CNTN4: variants seen among roughly 807,000 people sequenced by gnomAD.
The protein encoded by CNTN4 is contactin-4.
Under a neutral mutation model 122.5 loss-of-function variants are expected in CNTN4, and 77 were observed. The observed-to-expected ratio is 0.63, with a 90% CI of 0.52 to 0.76. The LOEUF (loss-of-function observed/expected upper bound fraction) is 0.76. Among genes scored for constraint, CNTN4 ranks in the 30% least tolerant of loss-of-function variants. The probability of loss-of-function intolerance (pLI) is 0.00; values close to 1 mark genes in which losing one functional copy is unlikely to be tolerated. For missense variants in CNTN4, 1,256 were observed against 1,259.1 expected (o/e 1.00, Z 0.04); for synonymous variants, 512 against 447.0 (o/e 1.15, Z -1.83).
intron 4 of CNTN4, among the ~76,000 whole-genome samples, chr3:2,695,487 T>C (rs781511026): frequency 4.6e-5 from 7 of 152,224 alleles, no homozygotes; most frequent in Non-Finnish European, 8.8e-5. Context: ...GGTTTCCAAA[T>C]TGCTGTTTGT....
chr3:2,535,307 C>G (rs777065409), intron 3 of CNTN4, among the ~76,000 whole-genome samples: 7 of 152,152 alleles, frequency 4.6e-5, no homozygotes, highest in Non-Finnish European at 7.3e-5. Context: ...CTTTCTGATG[C>G]AAGAGTTCTG....
intron 2 of CNTN4, among the ~76,000 whole-genome samples, chr3:2,172,014 A>G (rs1276064094): frequency 6.6e-6 from 1 of 152,180 alleles, no homozygotes; most frequent in African/African-American, 2.4e-5. Context: ...CAAGCACTCC[A>G]GGTGATTCTG....
At chr3:2,513,603 C>CA (rs2076954227) in intron 3 of CNTN4, among the ~76,000 whole-genome samples, 1 of 151,892 alleles carries the variant, frequency 6.6e-6, no homozygotes, top group Non-Finnish European at 1.5e-5. Flanking sequence ...TTTTATTTTC[C>CA]ATTCAAATAT....
At chr3:2,312,604 C>T (rs937346875) in intron 2 of CNTN4, among the ~76,000 whole-genome samples, 18 of 151,936 alleles carry the variant, frequency 1.2e-4, no homozygotes, top group Non-Finnish European at 2.1e-4. Context: ...TCCATTGTGA[C>T]ACAGATGGTT....
chr3:2,264,915 A>C (rs564838773), intron 2 of CNTN4, among the ~76,000 whole-genome samples: 20 of 152,164 alleles, frequency 1.3e-4, no homozygotes, highest in African/African-American at 4.8e-4. Flanking sequence ...TTGTTACATG[A>C]ATAAGTTCTT....
At chr3:2,290,716 T>C (rs1342353001) in intron 2 of CNTN4, among the ~76,000 whole-genome samples, 1 of 152,170 alleles carries the variant, frequency 6.6e-6, no homozygotes, top group African/African-American at 2.4e-5. Flanking sequence ...CAGGAAGCCA[T>C]TGAAGAGTTT....
chr3:2,262,039 C>T (rs1463794642), intron 2 of CNTN4, among the ~76,000 whole-genome samples: 1 of 152,084 alleles, frequency 6.6e-6, no homozygotes, highest in African/African-American at 2.4e-5. Context: ...TTTTCCTCAG[C>T]CAGATTCAGA....
intron 3 of CNTN4, among the ~76,000 whole-genome samples, chr3:2,502,280 A>C (rs1435037620): frequency 6.6e-6 from 1 of 152,140 alleles, no homozygotes; most frequent in Admixed American, 6.6e-5. Flanking sequence ...CTAAGGGTGG[A>C]GTTTTACTAT....
chr3:2,853,937 C>G (rs11708315), intron 7 of CNTN4, among the ~76,000 whole-genome samples: 119,436 of 152,080 alleles, frequency 0.79, 47,051 homozygotes, highest in South Asian at 0.83. Flanking sequence ...AACCAATTGA[C>G]GAAGCATTGC....
chr3:2,600,954 A>G (rs1012402141), intron 4 of CNTN4, among the ~76,000 whole-genome samples: 4 of 152,194 alleles, frequency 2.6e-5, no homozygotes, highest in African/African-American at 9.6e-5. Context: ...ATGGCCAGTG[A>G]TGATGAGCAT....
intron 14 of CNTN4, among the ~76,000 whole-genome samples, chr3:3,022,614 A>T (rs1036651900): frequency 1.3e-4 from 20 of 152,350 alleles, no homozygotes; most frequent in Non-Finnish European, 2.6e-4. Context: ...TAATATTATT[A>T]AAAATAATGG....
At chr3:2,387,135 A>C (rs961850749) in intron 3 of CNTN4, among the ~76,000 whole-genome samples, 3 of 152,200 alleles carry the variant, frequency 2.0e-5, no homozygotes, top group Non-Finnish European at 4.4e-5. Context: ...CAAATTTATA[A>C]AACTTATCTG....
intron 2 of CNTN4, among the ~76,000 whole-genome samples, chr3:2,118,093 G>T (rs1174355465): frequency 6.6e-6 from 1 of 152,148 alleles, no homozygotes; most frequent in Non-Finnish European, 1.5e-5. Context: ...CATTTATAAT[G>T]TACCAAGGAA....
chr3:2,565,150 G>C (rs575062833), intron 3 of CNTN4, among the ~76,000 whole-genome samples: 1 of 152,024 alleles, frequency 6.6e-6, no homozygotes, highest in African/African-American at 2.4e-5. Context: ...CTAAATAAGG[G>C]ATTCCATCCT....
intron 4 of CNTN4, among the ~76,000 whole-genome samples, chr3:2,595,898 C>A (rs529911764): frequency 6.6e-6 from 1 of 152,324 alleles, no homozygotes; most frequent in East Asian, 1.9e-4. Context: ...GGAAACCTCA[C>A]TGTAATCGCC....
intron 2 of CNTN4, among the ~76,000 whole-genome samples, chr3:2,152,488 T>C (rs766904409): frequency 6.6e-6 from 1 of 152,146 alleles, no homozygotes; most frequent in Non-Finnish European, 1.5e-5. Context: ...TGAGCCACAC[T>C]CTGGTTGCTC....
intron 2 of CNTN4, among the ~76,000 whole-genome samples, chr3:2,290,772 A>G (rs1172813691): frequency 1.3e-5 from 2 of 152,170 alleles, no homozygotes; most frequent in South Asian, 4.1e-4. Flanking sequence ...GGGTCTTTGG[A>G]TGCTAACTAG....
chr3:2,349,500 A>G (rs969591145), intron 3 of CNTN4, among the ~76,000 whole-genome samples: 5 of 152,210 alleles, frequency 3.3e-5, no homozygotes, highest in African/African-American at 9.6e-5. Flanking sequence ...AAGTGGTCTC[A>G]GAATCAGACT....
chr3:2,607,804 C>A (rs780229674), intron 4 of CNTN4, among the ~76,000 whole-genome samples: 64 of 152,150 alleles, frequency 4.2e-4, no homozygotes, highest in Non-Finnish European at 7.8e-4. Flanking sequence ...AATGTTCTTA[C>A]CTATTATGTC....
Sources: gnomAD v4.1 joint callset for allele counts (sites outside exome capture counted in the v4.1 genomes callset) on GRCh38, gnomAD v4.1.1 for gene constraint, MANE v1.5 for transcripts, NCBI Gene and HGNC (gene_info 2026-07-23, HGNC 2026-07-21) for gene names.